MAN1C1: variants seen among roughly 807,000 people sequenced by gnomAD.
MAN1C1 encodes the protein mannosidase alpha class 1C member 1.
In MAN1C1, 49 loss-of-function variants were observed where a neutral mutation model predicts 71.5. The ratio of observed to expected loss-of-function variants is 0.69; its 90% CI spans 0.54 to 0.87. MAN1C1 has a LOEUF of 0.87. MAN1C1 is among the 40% of genes least tolerant of loss of function. The probability of loss-of-function intolerance (pLI) is 0.00; values close to 1 mark genes in which losing one functional copy is unlikely to be tolerated. For missense variants in MAN1C1, 743 were observed against 835.0 expected, an observed-to-expected ratio of 0.89 and a Z score of 1.36; for synonymous variants, 352 against 343.7, an observed-to-expected ratio of 1.02 and a Z score of -0.27.
At chr1:25,705,452 T>A (rs1376507607) in intron 2 of MAN1C1, among the ~76,000 whole-genome samples, 1 of 152,164 alleles carries the variant, frequency 6.6e-6, no homozygotes, top group African/African-American at 2.4e-5. Context: ...ACTGTTGTTA[T>A]ATAGTCTATT....
At position 25,753,566 on chromosome 1, in the gene MAN1C1, T is replaced by G; in HGVS notation, c.917T>G (p.Val306Gly). The G allele has an allele frequency of 6.2e-7, 1 of 1,613,384 alleles. No homozygotes were observed. The highest frequency in any genetic ancestry group is 1.1e-5 in the South Asian group (1 of 90,982). Residue 306 changes from valine (V) to glycine (G), a missense_variant, in exon 5 of 12, where the codon GTG becomes GGG. Coordinates refer to ENST00000374332, the MANE Select transcript of MAN1C1 (RefSeq NM_020379.4). This position sits in a 1 kb window ranked among gnomAD's most constrained non-coding sequence, Gnocchi z 4.9. ...NTPTGIPKGV[V>G]SFKSGNWGWA... Reference sequence around the variant, plus strand: ...CCCACGGGAATCCCAAAGGGCGTGGTGAGCTTCAAAAGGTAGGGCGCCATC... The same window carrying G: ...CCCACGGGAATCCCAAAGGGCGTGGGGAGCTTCAAAAGGTAGGGCGCCATC...
At chr1:25,643,573 T>A (rs1029014698) in intron 1 of MAN1C1, among the ~76,000 whole-genome samples, 2 of 140,520 alleles carry the variant, frequency 1.4e-5, no homozygotes, top group South Asian at 2.2e-4. Flanking sequence ...GCCTGGCCTT[T>A]TATATATATA....
intron 8 of MAN1C1, among the ~76,000 whole-genome samples, chr1:25,774,710 C>A (rs2047596780): frequency 6.6e-6 from 1 of 152,218 alleles, no homozygotes. Flanking sequence ...GGTCATCTAG[C>A]TCCTAAATCG....
At chr1:25,623,941 C>G (rs536198184) in intron 1 of MAN1C1, among the ~76,000 whole-genome samples, 1 of 152,262 alleles carries the variant, frequency 6.6e-6, no homozygotes, top group African/African-American at 2.4e-5. Context: ...GGAGCAGGGA[C>G]AAGTGTCATG....
intron 7 of MAN1C1, among the ~76,000 whole-genome samples, chr1:25,765,043 G>A (rs531954967): frequency 2.0e-5 from 3 of 151,650 alleles, no homozygotes; most frequent in South Asian, 2.1e-4. Context: ...GCAAGACTCC[G>A]TCCCAAAAAA....
chr1:25,773,630 A>G (rs1293743736), intron 8 of MAN1C1, among the ~76,000 whole-genome samples: 1 of 152,228 alleles, frequency 6.6e-6, no homozygotes, highest in Non-Finnish European at 1.5e-5. Context: ...CTTCCCTTGC[A>G]GAGTAAACAT....
intron 2 of MAN1C1, among the ~76,000 whole-genome samples, chr1:25,745,728 G>A (rs776952165): frequency 5.9e-5 from 9 of 152,158 alleles, no homozygotes; most frequent in Non-Finnish European, 1.0e-4. Flanking sequence ...AGTGGCTCAC[G>A]CCTGTAATTC....
At chr1:25,677,547 C>T (rs958463018) in intron 1 of MAN1C1, among the ~76,000 whole-genome samples, 2 of 152,160 alleles carry the variant, frequency 1.3e-5, no homozygotes, top group African/African-American at 4.8e-5. Context: ...CATGTTCTTG[C>T]ACCTGTCCTG....
At position 25,711,917 on chromosome 1, in the gene MAN1C1, G is replaced by A. The variant is rs531366267; in HGVS notation, c.637+25381G>A. Among the ~76,000 whole-genome samples, 1 of 152,146 alleles carries A rather than the reference G, an allele frequency of 6.6e-6. No individual in the cohort carries two copies. Among genetic ancestry groups the A allele is most frequent in the Admixed American group, 6.5e-5 (1 of 15,288 alleles). On this transcript the variant is annotated intron_variant, in intron 2 of 11. Coordinates refer to ENST00000374332, the MANE Select transcript of MAN1C1 (RefSeq NM_020379.4). The surrounding 1 kb of genome is among the most constrained non-coding windows in gnomAD (Gnocchi z 4.3). The stretch of plus-strand genomic sequence containing the variant: ...GAAGAGATGTGTAAACAGCTTTCAG[G>A]AATGTTTGTTTAAATGGACTCACAG...
In MAN1C1 at chr1:25,720,551, A is replaced by G. The variant is rs1454262871; in HGVS notation, c.638-26117A>G. Among the ~76,000 whole-genome samples the G allele has an allele frequency of 1.3e-5, 2 of 152,148 alleles. 1 individual carries two copies. The highest frequency in any genetic ancestry group is 2.9e-5 in the Non-Finnish European group (2 of 68,026). ...GGGTAGTTTATTGTTGAGCTGTAGAAGTTCTCCGTTTGTTCTGGATACCAG... is the reference window on the plus strand; with the variant it reads ...GGGTAGTTTATTGTTGAGCTGTAGAGGTTCTCCGTTTGTTCTGGATACCAG... On this transcript the variant is annotated intron_variant, in intron 2 of 11. Coordinates refer to ENST00000374332, the MANE Select transcript of MAN1C1 (RefSeq NM_020379.4).
chr1:25,640,784 A>G (rs1356147018), intron 1 of MAN1C1, among the ~76,000 whole-genome samples: 1 of 152,196 alleles, frequency 6.6e-6, no homozygotes, highest in African/African-American at 2.4e-5. Flanking sequence ...GGTATTGTGT[A>G]ATAACTTCCC....
At position 25,757,945 on chromosome 1, in the gene MAN1C1, A is replaced by G. The variant is rs377190910; in HGVS notation, c.930-647A>G. ...AAAGGGGCAGCTGTGAGGATTAACC[A>G]GGATCCTGCCTCTGCATTCTTTGTC... On this transcript the variant is annotated intron_variant, in intron 5 of 11. Transcript: ENST00000374332. Among the ~76,000 whole-genome samples the G allele has an allele frequency of 2.6e-5, 4 of 152,344 alleles. No individual in the cohort carries two copies. The East Asian group carries it at 7.7e-4, about 29-fold the overall frequency.
chr1:25,771,878 T>G, intron 8 of MAN1C1, 106 bp downstream of exon 8: 1 of 794,214 alleles, frequency 1.3e-6, no homozygotes, highest in Admixed American at 2.0e-5. Flanking sequence ...GGCCGAGACT[T>G]GCTCCCACCC....
At chr1:25,655,908 C>T (rs547463683) in intron 1 of MAN1C1, among the ~76,000 whole-genome samples, 2 of 152,078 alleles carry the variant, frequency 1.3e-5, no homozygotes, top group African/African-American at 4.8e-5. Context: ...TGTGGAATAA[C>T]TCCCCCAGGG....
intron 2 of MAN1C1, among the ~76,000 whole-genome samples, chr1:25,701,242 A>G (rs1050848567): frequency 6.6e-6 from 1 of 152,234 alleles, no homozygotes; most frequent in Non-Finnish European, 1.5e-5. Context: ...CTGCTCAGGC[A>G]CCATGGGAAG....
intron 2 of MAN1C1, among the ~76,000 whole-genome samples, chr1:25,715,806 G>A (rs954081972): frequency 1.3e-5 from 2 of 152,174 alleles, no homozygotes; most frequent in Non-Finnish European, 2.9e-5. Context: ...ATTTTATCTG[G>A]TAGGATTGGA....
At chr1:25,750,531 G>A (rs2047200200) in intron 4 of MAN1C1, among the ~76,000 whole-genome samples, 1 of 152,170 alleles carries the variant, frequency 6.6e-6, no homozygotes, top group Non-Finnish European at 1.5e-5. Context: ...CACTGCTGCT[G>A]TCTGGAAAGT....
chr1:25,703,975 C>G (rs2046481580), intron 2 of MAN1C1, among the ~76,000 whole-genome samples: 1 of 152,148 alleles, frequency 6.6e-6, no homozygotes, highest in Non-Finnish European at 1.5e-5. Context: ...ATCTGTCTGC[C>G]CAGTTCCTGG....
At chr1:25,767,560 CCT>C (rs375684970) in intron 7 of MAN1C1, among the ~76,000 whole-genome samples, 25 of 135,654 alleles carry the variant, frequency 1.8e-4, no homozygotes, top group African/African-American at 5.9e-4. Context: ...CACACACTCC[CCT>C]CACACACACC....
Sources: allele counts gnomAD v4.1 joint callset (sites outside exome capture counted in the v4.1 genomes callset), GRCh38; gene constraint gnomAD v4.1.1; non-coding constraint Gnocchi (gnomAD v3.1); transcripts MANE v1.5; gene names NCBI Gene and HGNC (gene_info 2026-07-23, HGNC 2026-07-21).